GALNT15: variants seen among roughly 807,000 people sequenced by gnomAD.
GALNT15 encodes polypeptide N-acetylgalactosaminyltransferase 15, also known as UDP-GalNAc transferase T15.
In GALNT15, 67 loss-of-function variants were observed where a neutral mutation model predicts 66.8. The ratio of observed to expected loss-of-function variants is 1.00; its 90% CI spans 0.82 to 1.23. The LOEUF (loss-of-function observed/expected upper bound fraction) is 1.23, where lower values mean the gene tolerates loss of function less well. Ranked by LOEUF, GALNT15 falls within the 50% of genes most tolerant of loss-of-function variation. The pLI, the probability that GALNT15 is intolerant of heterozygous loss-of-function variation, is 0.00. For synonymous variants in GALNT15, 313 were observed against 311.5 expected (o/e 1.00, Z -0.05); for missense variants, 827 against 804.3 (o/e 1.03, Z -0.34).
the GALNT15 span, among the ~76,000 whole-genome samples, chr3:16,241,224 T>C: frequency 6.6e-6 from 1 of 152,152 alleles, no homozygotes; most frequent in Non-Finnish European, 1.5e-5. The surrounding 1 kb of genome is among the most constrained non-coding windows in gnomAD (Gnocchi z 4.6). Context: ...TTGCCCAGAG[T>C]CCCTAGCATA....
intron 3 of GALNT15, among the ~76,000 whole-genome samples, chr3:16,207,593 A>G (rs6790884): frequency 1 from 118,860 of 118,878 alleles, 59,421 homozygotes; most frequent in Middle Eastern, 1. Context: ...AATAACCCAA[A>G]ATAGTCAGGA....
chr3:16,231,873 G>C (rs1018880761), downstream of GALNT15: 2 of 1,536,266 alleles, frequency 1.3e-6, no homozygotes, highest in South Asian at 1.2e-5. This position sits in a 1 kb window ranked among gnomAD's most constrained non-coding sequence, Gnocchi z 4.1. Flanking sequence ...ACAATGGGTA[G>C]GACATCATTT....
At chr3:16,244,200 C>T in the GALNT15 span, among the ~76,000 whole-genome samples, 21 of 152,154 alleles carry the variant, frequency 1.4e-4, no homozygotes, top group African/African-American at 2.2e-4. Flanking sequence ...ACTCACAGTG[C>T]GATGCTCATG....
At chr3:16,197,466 A>G (rs910028661) in intron 2 of GALNT15, among the ~76,000 whole-genome samples, 12 of 152,196 alleles carry the variant, frequency 7.9e-5, no homozygotes, top group African/African-American at 2.9e-4. Flanking sequence ...GCCAAGACCC[A>G]GATCCCAGAC....
rs1574965321 is a variant in GALNT15, at chr3:16,176,013, G to A, written c.539+323G>A. On this transcript the variant is annotated intron_variant, in intron 1 of 9. Coordinates refer to ENST00000339732, the MANE Select transcript of GALNT15 (RefSeq NM_054110.5). This position sits in a 1 kb window ranked among gnomAD's most constrained non-coding sequence, Gnocchi z 5.6. Reference sequence around the variant, plus strand: ...CTCTTGCTTGTTCATTCTCTTCTCCGTCCTGGGTTCTAGTTCTTCTGTCTT... The same window carrying A: ...CTCTTGCTTGTTCATTCTCTTCTCCATCCTGGGTTCTAGTTCTTCTGTCTT... Among the ~76,000 whole-genome samples, 2 of 152,142 alleles carry A rather than the reference G, an allele frequency of 1.3e-5. No individual in the cohort carries two copies. Among genetic ancestry groups the A allele is most frequent in the Admixed American group, 6.5e-5 (1 of 15,270 alleles).
At chr3:16,247,163 T>G in the GALNT15 span, among the ~76,000 whole-genome samples, 1 of 151,614 alleles carries the variant, frequency 6.6e-6, no homozygotes, top group Non-Finnish European at 1.5e-5. Flanking sequence ...TGCTAAAGGA[T>G]GCTTGCAGAC....
chr3:16,215,906 CA>C (rs10611187), intron 6 of GALNT15, among the ~76,000 whole-genome samples: 1,996 of 102,604 alleles, frequency 0.019, 28 homozygotes, highest in African/African-American at 0.05. Flanking sequence ...GAGACTCCGC[CA>C]AAAAAAAAAA....
Position 16,195,807 on chromosome 3 carries a change from T to C in GALNT15, c.587T>C (p.Ile196Thr). 2.5e-6 allele frequency: 4 copies of C among 1,613,952 alleles called. No individual in the cohort carries two copies. The South Asian group carries it at 4.4e-5, about 18-fold the overall frequency. Residue 196 changes from isoleucine (I) to threonine (T), a missense_variant, in exon 2 of 10, where the codon ATC becomes ACC. Ile to Thr is a moderately conservative substitution (Grantham distance 89). Coordinates refer to ENST00000339732, the MANE Select transcript of GALNT15 (RefSeq NM_054110.5). The surrounding 1 kb of genome is among the most constrained non-coding windows in gnomAD (Gnocchi z 4.6). ...GACAGCCTGCCCACAGCCAGCGTCA[T>C]CCTCTGTTTCCATGATGAGGCCTGG... is the stretch of plus-strand genomic sequence containing the variant. Reference protein sequence around the residue: ...PQDSLPTASVILCFHDEAWST... With the variant: ...PQDSLPTASVTLCFHDEAWST...
At position 16,182,273 on chromosome 3, in the gene GALNT15, C is replaced by T. The variant is rs2063479276; in HGVS notation, c.539+6583C>T. Among the ~76,000 whole-genome samples, 1 of 152,038 alleles carries T rather than the reference C, an allele frequency of 6.6e-6. No homozygotes were observed. Among genetic ancestry groups the T allele is most frequent in the South Asian group, 2.1e-4 (1 of 4,814 alleles). ...TCCATTCATGTTAAAGTTTGAGAGC[C>T]ATTATGAGGCCAGTGGTTCACAGCC... On this transcript the variant is annotated intron_variant, in intron 1 of 9. Coordinates refer to ENST00000339732, the MANE Select transcript of GALNT15 (RefSeq NM_054110.5). This position sits in a 1 kb window ranked among gnomAD's most constrained non-coding sequence, Gnocchi z 6.1.
the GALNT15 span, among the ~76,000 whole-genome samples, chr3:16,247,707 A>C: frequency 6.6e-6 from 1 of 152,132 alleles, no homozygotes; most frequent in Non-Finnish European, 1.5e-5. Flanking sequence ...CTTGAAATAC[A>C]TTTTTTGTCT....
chr3:16,189,183 GTTAGGCCAGGGTTCTAGGGAGA>G lies in GALNT15; in HGVS notation c.540-6571_540-6550del, dbSNP rs2063549883. 1.3e-5 allele frequency among the ~76,000 whole-genome samples: 2 copies of G among 152,188 alleles called. No homozygotes were observed. The highest frequency in any genetic ancestry group is 4.1e-4 in the South Asian group (2 of 4,828). On this transcript the variant is annotated intron_variant, in intron 1 of 9. Transcript: ENST00000339732. This position sits in a 1 kb window ranked among gnomAD's most constrained non-coding sequence, Gnocchi z 5.1. ...CCTGAATCACAGGAAACATTTTGCT[GTTAGGCCAGGGTTCTAGGGAGA>G]TTAGGTCCAACAGGGGATCTAGCTG... is the stretch of plus-strand genomic sequence containing the variant.
In GALNT15 at chr3:16,195,732, C is replaced by T. The variant is rs778737888; in HGVS notation, c.540-28C>T. The T allele has an allele frequency of 1.1e-5, 18 of 1,595,320 alleles. No individual in the cohort carries two copies. The South Asian group carries it at 1.9e-4, about 17-fold the overall frequency. The stretch of plus-strand genomic sequence containing the variant: ...GTGTTTCTTGTGGCCTTCTCTTCCC[C>T]ATGGCTCTCTGGCTCTCTTCCCTGC... On this transcript the variant is annotated intron_variant, in intron 1 of 9. Coordinates refer to ENST00000339732, the MANE Select transcript of GALNT15 (RefSeq NM_054110.5). The surrounding 1 kb of genome is among the most constrained non-coding windows in gnomAD (Gnocchi z 4.6).
At chr3:16,177,046 A>T (rs1328284661) in intron 1 of GALNT15, among the ~76,000 whole-genome samples, 2 of 152,160 alleles carry the variant, frequency 1.3e-5, no homozygotes, top group Non-Finnish European at 2.9e-5. Flanking sequence ...TGCACCCTGG[A>T]GTTTTAACTC....
At position 16,189,073 on chromosome 3, in the gene GALNT15, C is replaced by A. The variant is rs1050389092; in HGVS notation, c.540-6687C>A. On this transcript the variant is annotated intron_variant, in intron 1 of 9. Transcript: ENST00000339732. The surrounding 1 kb of genome is among the most constrained non-coding windows in gnomAD (Gnocchi z 5.1). ...ATCCTTCTGAAGGGAAGTCATCCTG[C>A]ATTTTAACAACAACAACAAAAAAAG... 1.3e-5 allele frequency among the ~76,000 whole-genome samples: 2 copies of A among 151,860 alleles called. No individual in the cohort carries two copies. The highest frequency in any genetic ancestry group is 4.9e-5 in the African/African-American group (2 of 41,144).
At position 16,195,149 on chromosome 3, in the gene GALNT15, C is replaced by CGA. The variant is rs910520605; in HGVS notation, c.540-611_540-610insGA. ...CACGCATCATCCTATCCAAGCCTCA[C>CGA]CACAGCCTCGGGGAGTCCTGATCTT... is the stretch of plus-strand genomic sequence containing the variant. On this transcript the variant is annotated intron_variant, in intron 1 of 9. Coordinates refer to ENST00000339732, the MANE Select transcript of GALNT15 (RefSeq NM_054110.5). This position sits in a 1 kb window ranked among gnomAD's most constrained non-coding sequence, Gnocchi z 4.6. Among the ~76,000 whole-genome samples, 5 of 152,166 alleles carry CGA rather than the reference C, an allele frequency of 3.3e-5. No individual in the cohort carries two copies. Among genetic ancestry groups the CGA allele is most frequent in the Non-Finnish European group, 5.9e-5 (4 of 68,038 alleles).
downstream of GALNT15, among the ~76,000 whole-genome samples, chr3:16,232,666 G>A (rs2064096372): frequency 6.6e-6 from 1 of 150,710 alleles, no homozygotes; most frequent in Non-Finnish European, 1.5e-5. Context: ...GCAAAGGTGG[G>A]ACAGAGCACC....
chr3:16,175,554 T>A lies in GALNT15; in HGVS notation c.403T>A (p.Trp135Arg), dbSNP rs1559672312. The change falls in exon 1 of 10, where the codon TGG (tryptophan) becomes AGG (arginine). Residue 135 changes from tryptophan (W) to arginine (R), a missense_variant. Coordinates refer to ENST00000339732, the MANE Select transcript of GALNT15 (RefSeq NM_054110.5). The surrounding 1 kb of genome is among the most constrained non-coding windows in gnomAD (Gnocchi z 5.6). The part of the protein sequence containing the change: ...RQDKEAPKRD[W>R]GADEDGEVSE... ...GGATAAGGAAGCCCCAAAGAGGGAC[T>A]GGGGGGCTGATGAGGACGGGGAGGT... 2 of 1,613,970 alleles carry A rather than the reference T, an allele frequency of 1.2e-6. No homozygotes were observed. Among genetic ancestry groups the A allele is most frequent in the Admixed American group, 3.3e-5 (2 of 60,018 alleles).
Position 16,203,496 on chromosome 3 carries a change from C to A in GALNT15, c.911+2673C>A, listed in dbSNP as rs2063722877. Among the ~76,000 whole-genome samples the A allele has an allele frequency of 6.6e-6, 1 of 151,138 alleles. No homozygotes were observed. ...TCTCTACCTCTCTCACGGTCTTTGT[C>A]TCTCTCTGTCTCTTGGTCACTCATT... is the stretch of plus-strand genomic sequence containing the variant. On this transcript the variant is annotated intron_variant, in intron 3 of 9. Transcript: ENST00000339732. This position sits in a 1 kb window ranked among gnomAD's most constrained non-coding sequence, Gnocchi z 6.2.
rs1280903140 is a variant in GALNT15 at position 16,195,882 on chromosome 3, C to T, written c.662C>T (p.Ala221Val). The change falls in exon 2 of 10, where the codon GCC (alanine) becomes GTC (valine). Residue 221 changes from alanine (A) to valine (V), a missense_variant. Physicochemically the swap from Ala to Val is moderately conservative, Grantham distance 64. Coordinates refer to ENST00000339732, the MANE Select transcript of GALNT15 (RefSeq NM_054110.5). This position sits in a 1 kb window ranked among gnomAD's most constrained non-coding sequence, Gnocchi z 4.6. ...VHSILDTVPR[A>V]FLKEIILVDD... is the part of the protein sequence containing the mutation. ...AGCATCCTCGACACAGTGCCCAGGGCCTTCCTGAAGGAGATCATCCTCGTG... is the reference window on the plus strand; with the variant it reads ...AGCATCCTCGACACAGTGCCCAGGGTCTTCCTGAAGGAGATCATCCTCGTG... 1.9e-6 allele frequency: 3 copies of T among 1,614,180 alleles called. No homozygotes were observed. Among genetic ancestry groups the T allele is most frequent in the South Asian group, 1.1e-5 (1 of 91,086 alleles).
Sources: allele counts gnomAD v4.1 joint callset (sites outside exome capture counted in the v4.1 genomes callset), GRCh38; gene constraint gnomAD v4.1.1; non-coding constraint Gnocchi (gnomAD v3.1); transcripts MANE v1.5; gene names NCBI Gene and HGNC (gene_info 2026-07-23, HGNC 2026-07-21).